KCNQ3: variants seen among roughly 807,000 people sequenced by gnomAD.
KCNQ3 encodes the protein potassium voltage-gated channel subfamily KQT member 3.
A neutral mutation model predicts 92.5 loss-of-function variants in KCNQ3; 30 were observed. The ratio of observed to expected loss-of-function variants is 0.32; its 90% CI spans 0.24 to 0.44. The LOEUF (loss-of-function observed/expected upper bound fraction) is 0.44, where lower values mean the gene tolerates loss of function less well. KCNQ3 is among the 20% of genes least tolerant of loss of function. KCNQ3 has a pLI of 1.00. For missense variants in KCNQ3, 913 were observed against 1,140.3 expected, an observed-to-expected ratio of 0.80 and a Z score of 2.87; for synonymous variants, 450 against 468.8, an observed-to-expected ratio of 0.96 and a Z score of 0.52.
chr8:132,355,757 G>A (rs1324460318), intron 1 of KCNQ3, among the ~76,000 whole-genome samples: 1 of 152,138 alleles, frequency 6.6e-6, no homozygotes, highest in Non-Finnish European at 1.5e-5. Flanking sequence ...TCCCCTTTGT[G>A]CCTAGTCTTC....
chr8:132,380,763 G>A (rs992551035), intron 1 of KCNQ3, among the ~76,000 whole-genome samples: 3 of 149,420 alleles, frequency 2.0e-5, no homozygotes, highest in Non-Finnish European at 3.0e-5. Context: ...TAATATTCAC[G>A]GAATAGCCTG....
intron 1 of KCNQ3, among the ~76,000 whole-genome samples, chr8:132,291,356 TC>T (rs1419688823): frequency 3.3e-5 from 5 of 152,222 alleles, no homozygotes; most frequent in Admixed American, 6.5e-5. Flanking sequence ...AAAGTGATTT[TC>T]TATCACCAAG....
intron 1 of KCNQ3, among the ~76,000 whole-genome samples, chr8:132,315,637 A>T (rs935869266): frequency 1.3e-5 from 2 of 152,136 alleles, no homozygotes; most frequent in African/African-American, 2.4e-5. Context: ...AGTTTCTTCA[A>T]ATTGAAAGAT....
Position 132,137,949 on chromosome 8 carries a change from C to A in KCNQ3, c.1636G>T (p.Val546Leu). 1 of 1,613,892 alleles carries A rather than the reference C, an allele frequency of 6.2e-7. No individual in the cohort carries two copies. Among genetic ancestry groups the A allele is most frequent in the Non-Finnish European group, 8.5e-7 (1 of 1,179,970 alleles). The change falls in exon 12 of 15, where the codon GTG becomes TTG. Residue 546 changes from valine (V) to leucine (L), a missense_variant. By Grantham distance (32) the Val-to-Leu change is conservative (BLOSUM62 1). Around this residue, in one of 6 missense-constraint regions of KCNQ3, gnomAD observed 182 missense variants for 234.5 expected, o/e 0.78. Coordinates refer to ENST00000388996, the MANE Select transcript of KCNQ3 (RefSeq NM_004519.4). ...ETLRPYDVKDVIEQYSAGHLD... is the reference protein window; with the variant it reads ...ETLRPYDVKDLIEQYSAGHLD... ...TGCCCGGCAGAATACTGCTCAATCA[C>A]ATCCTTCACATCGTAAGGCCTCAAA...
At chr8:132,231,048 A>G (rs943555452) in intron 1 of KCNQ3, among the ~76,000 whole-genome samples, 2 of 152,182 alleles carry the variant, frequency 1.3e-5, no homozygotes, top group African/African-American at 4.8e-5. Context: ...CAGAGGGAAG[A>G]TTATATGAAG....
intron 1 of KCNQ3, among the ~76,000 whole-genome samples, chr8:132,229,580 T>C (rs1300785549): frequency 6.6e-6 from 1 of 152,050 alleles, no homozygotes; most frequent in Non-Finnish European, 1.5e-5. Flanking sequence ...GGCTTCTAGG[T>C]GGTGATGTCT....
chr8:132,349,847 A>G (rs1405798295), intron 1 of KCNQ3, among the ~76,000 whole-genome samples: 1 of 152,240 alleles, frequency 6.6e-6, no homozygotes, highest in Non-Finnish European at 1.5e-5. Flanking sequence ...TGAGCCACTG[A>G]CAATTGGGGA....
intron 1 of KCNQ3, among the ~76,000 whole-genome samples, chr8:132,254,539 G>A (rs1052873137): frequency 1.3e-5 from 2 of 152,046 alleles, no homozygotes; most frequent in African/African-American, 4.8e-5. Flanking sequence ...TGAGGTAAAA[G>A]ACTATATTAT....
At chr8:132,383,888 T>C (rs1176012397) in intron 1 of KCNQ3, among the ~76,000 whole-genome samples, 2 of 152,196 alleles carry the variant, frequency 1.3e-5, no homozygotes, top group African/African-American at 4.8e-5. Flanking sequence ...AGGTAACCTC[T>C]CTGGGTCTCA....
At chr8:132,428,363 C>A (rs1029451495) in intron 1 of KCNQ3, among the ~76,000 whole-genome samples, 2 of 152,214 alleles carry the variant, frequency 1.3e-5, no homozygotes, top group Admixed American at 6.5e-5. Flanking sequence ...TCTTTGGAAG[C>A]ACACCCTCTC....
intron 1 of KCNQ3, among the ~76,000 whole-genome samples, chr8:132,190,204 G>T (rs1214290563): frequency 1.3e-5 from 2 of 152,176 alleles, no homozygotes; most frequent in Non-Finnish European, 2.9e-5. Context: ...ATGTATATAT[G>T]AAAGATTCAA....
chr8:132,194,202 T>C (rs1827242098), intron 1 of KCNQ3, among the ~76,000 whole-genome samples: 1 of 152,196 alleles, frequency 6.6e-6, no homozygotes, highest in Non-Finnish European at 1.5e-5. Context: ...CAGAATTGAA[T>C]TGTCTAAAAG....
chr8:132,345,693 T>C (rs761787638), intron 1 of KCNQ3, among the ~76,000 whole-genome samples: 5 of 152,200 alleles, frequency 3.3e-5, no homozygotes, highest in Non-Finnish European at 5.9e-5. Flanking sequence ...ATCTCTGAAA[T>C]GCAAGTCTTG....
At chr8:132,401,532 C>T (rs911880696) in intron 1 of KCNQ3, among the ~76,000 whole-genome samples, 2 of 152,144 alleles carry the variant, frequency 1.3e-5, no homozygotes, top group Admixed American at 1.3e-4. Flanking sequence ...TGTGCCACCA[C>T]GCCCAGCTAA....
At chr8:132,472,599 C>T (rs1245606303) in intron 1 of KCNQ3, among the ~76,000 whole-genome samples, 4 of 152,064 alleles carry the variant, frequency 2.6e-5, no homozygotes, top group Non-Finnish European at 5.9e-5. Context: ...ATACCAGAGG[C>T]TTGGAAGGAT....
intron 1 of KCNQ3, among the ~76,000 whole-genome samples, chr8:132,446,015 G>A (rs1821667139): frequency 6.6e-6 from 1 of 152,164 alleles, no homozygotes; most frequent in Non-Finnish European, 1.5e-5. Context: ...AGAGTAGTGT[G>A]CTCCATGGGC....
At chr8:132,470,855 A>G (rs1822284431) in intron 1 of KCNQ3, among the ~76,000 whole-genome samples, 1 of 152,228 alleles carries the variant, frequency 6.6e-6, no homozygotes, top group South Asian at 2.1e-4. Context: ...GGAAGAGACC[A>G]TTCCAGATAT....
chr8:132,361,688 C>G (rs1364817095), intron 1 of KCNQ3, among the ~76,000 whole-genome samples: 1 of 152,148 alleles, frequency 6.6e-6, no homozygotes, highest in South Asian at 2.1e-4. Flanking sequence ...AACTTCCTTT[C>G]TCACCAATAC....
chr8:132,226,888 A>G (rs1814437987), intron 1 of KCNQ3, among the ~76,000 whole-genome samples: 1 of 152,144 alleles, frequency 6.6e-6, no homozygotes, highest in African/African-American at 2.4e-5. Flanking sequence ...GAAATATCAC[A>G]TCCATTATCC....
Sources: gnomAD v4.1 joint callset for allele counts (sites outside exome capture counted in the v4.1 genomes callset) on GRCh38, gnomAD v4.1.1 for gene constraint, gnomAD v4.1.1 regional missense constraint, MANE v1.5 for transcripts, NCBI Gene and HGNC (gene_info 2026-07-23, HGNC 2026-07-21) for gene names.